Variants in SH2D1A observed in about 807,000 individuals in gnomAD.
SH2D1A encodes SH2 domain-containing protein 1A.
SH2D1A carries 6 observed loss-of-function variants against 10.1 expected under a neutral mutation model. The observed-to-expected ratio is 0.60, with a 90% CI of 0.33 to 1.18. SH2D1A has a LOEUF of 1.18. Among genes scored for constraint, SH2D1A ranks in the 50% most tolerant of loss-of-function variants. The probability of loss-of-function intolerance (pLI) is 0.04; values close to 1 mark genes in which losing one functional copy is unlikely to be tolerated. For missense variants in SH2D1A, 51 were observed against 97.6 expected (o/e 0.52, Z 2.01); for synonymous variants, 42 against 36.9 (o/e 1.14, Z -0.51).
At chrX:124,346,914 C>T in intron 1 of SH2D1A, 135 bp downstream of exon 1, 1 of 704,228 alleles carries the variant, frequency 1.4e-6, no homozygotes, top group Non-Finnish European at 2.2e-6. Context: ...CGTGGCCCAC[C>T]CTCAAGTCCA....
chrX:124,363,890 C>CAAAAAA (rs1211666787), intron 1 of SH2D1A, among the ~76,000 whole-genome samples: 14 of 33,268 alleles, frequency 4.2e-4, no homozygotes, highest in African/African-American at 9.1e-4. Flanking sequence ...GACTCTATCT[C>CAAAAAA]AAAAAAAAAA....
chrX:124,356,535 C>A (rs1233630936), intron 1 of SH2D1A, among the ~76,000 whole-genome samples: 1 of 112,621 alleles, frequency 8.9e-6, no homozygotes, highest in African/African-American at 3.2e-5. Flanking sequence ...GCAACCCCTG[C>A]CTTCCAGGCT....
chrX:124,367,636 G>A (rs767108524), intron 2 of SH2D1A: 16 of 112,126 alleles, frequency 1.4e-4, no homozygotes, highest in African/African-American at 4.9e-4. Context: ...GCCACCATCT[G>A]TGCATATATT....
rs1321839735 is a variant in SH2D1A, at chrX:124,371,203, C to G, written c.347-148C>G. On this transcript the variant is annotated intron_variant, in intron 3 of 3. Transcript: ENST00000371139. Reference sequence around the variant, plus strand: ...GCCTAATATTCCATTCTTTATAACTCAGTTTTAAATAATAGTTGCTTGAGG... The same window carrying G: ...GCCTAATATTCCATTCTTTATAACTGAGTTTTAAATAATAGTTGCTTGAGG... The G allele has an allele frequency of 9.8e-6, 4 of 408,068 alleles. No homozygotes were observed. In the Admixed American group the frequency reaches 1.3e-4, roughly 13 times the overall value. 33.6% of individuals were successfully genotyped at this position (408,068 alleles called of 1,213,427 possible).
At chrX:124,368,214 G>C (rs1202801355) in intron 2 of SH2D1A, among the ~76,000 whole-genome samples, 1 of 111,216 alleles carries the variant, frequency 9.0e-6, no homozygotes, top group Non-Finnish European at 1.9e-5. Flanking sequence ...GGAATGGCCC[G>C]ATCTCGGCTC....
intron 2 of SH2D1A, chrX:124,367,782 A>T (rs927069932): frequency 8.9e-6 from 1 of 111,992 alleles, no homozygotes; most frequent in Non-Finnish European, 1.9e-5. Flanking sequence ...ATCTTTGCCT[A>T]GTGTATTATC....
intron 1 of SH2D1A, among the ~76,000 whole-genome samples, chrX:124,359,394 G>A (rs2060034262): frequency 8.9e-6 from 1 of 112,006 alleles, no homozygotes; most frequent in South Asian, 3.7e-4. Flanking sequence ...TTGTTGCTGA[G>A]ATTTTAAATA....
intron 1 of SH2D1A, among the ~76,000 whole-genome samples, chrX:124,352,536 T>C (rs1156435167): frequency 8.9e-6 from 1 of 112,174 alleles, no homozygotes; most frequent in Non-Finnish European, 1.9e-5. Flanking sequence ...TATTTGTCTT[T>C]CTGTGCCTGG....
At chrX:124,349,483 C>T (rs746688374) in intron 1 of SH2D1A, among the ~76,000 whole-genome samples, 96 of 111,766 alleles carry the variant, frequency 8.6e-4, no homozygotes, top group Non-Finnish European at 1.5e-3. Context: ...ATCATATACA[C>T]ATGGACAACA....
At position 124,358,725 on chromosome X, in the gene SH2D1A, A is replaced by G. The variant is rs187316365; in HGVS notation, c.138-7036A>G. On this transcript the variant is annotated intron_variant, in intron 1 of 3. Coordinates refer to ENST00000371139, the MANE Select transcript of SH2D1A (RefSeq NM_002351.5). ...CCAGGTTGACAACAGGGAAGTTGCC[A>G]TCAATATTCCCAATGAGATGTGGGC... 2.7e-5 allele frequency among the ~76,000 whole-genome samples: 3 copies of G among 112,251 alleles called. No homozygotes were observed. The East Asian group carries it at 8.4e-4, about 31-fold the overall frequency.
chrX:124,368,262 T>C (rs1234564750), intron 2 of SH2D1A, among the ~76,000 whole-genome samples: 1 of 111,091 alleles, frequency 9.0e-6, no homozygotes, highest in East Asian at 2.8e-4. Flanking sequence ...GTGAGTCCTG[T>C]GCCTCAGCTT....
At chrX:124,365,408 TA>T (rs984497045) in intron 1 of SH2D1A, among the ~76,000 whole-genome samples, 1 of 110,685 alleles carries the variant, frequency 9.0e-6, no homozygotes, top group African/African-American at 3.3e-5. Context: ...TACTTAAAAA[TA>T]AGTCTATTGT....
At chrX:124,365,885 G>C (rs1172254867) in intron 2 of SH2D1A, 61 bp downstream of exon 2, 9 of 728,045 alleles carry the variant, frequency 1.2e-5, no homozygotes, top group African/African-American at 2.1e-5. Context: ...ATTTAGGCTG[G>C]TTTTATAAAA....
At chrX:124,357,640 C>A (rs2060029539) in intron 1 of SH2D1A, among the ~76,000 whole-genome samples, 1 of 111,552 alleles carries the variant, frequency 9.0e-6, no homozygotes, top group Admixed American at 9.5e-5. Context: ...CTCTCTGCAT[C>A]CTCTCTTGTT....
intron 2 of SH2D1A, among the ~76,000 whole-genome samples, chrX:124,368,436 C>T (rs909498618): frequency 1.7e-4 from 19 of 111,976 alleles, no homozygotes; most frequent in Admixed American, 4.7e-4. Context: ...CCACTGTGCC[C>T]GGCTATGCTT....
At position 124,354,755 on chromosome X, in the gene SH2D1A, T is replaced by C. The variant is rs187508329; in HGVS notation, c.137+7976T>C. On this transcript the variant is annotated intron_variant, in intron 1 of 3. Coordinates refer to ENST00000371139, the MANE Select transcript of SH2D1A (RefSeq NM_002351.5). ...ATATGAATAAAAGCTCTATAAATAA[T>C]TGTAATACAAAGTTAGAACATCATA... Among the ~76,000 whole-genome samples the C allele has an allele frequency of 6.7e-3, 750 of 112,421 alleles. 8 individuals carry two copies. The highest frequency in any genetic ancestry group is 0.021 in the African/African-American group (635 of 30,951).
At chrX:124,351,232 TAAG>T in intron 1 of SH2D1A, among the ~76,000 whole-genome samples, 1 of 106,572 alleles carries the variant, frequency 9.4e-6, no homozygotes, top group Admixed American at 1.1e-4. Context: ...GAGACAACTT[TAAG>T]ATGTTATTTT....
chrX:124,358,769 T>A (rs2147527054), intron 1 of SH2D1A, among the ~76,000 whole-genome samples: 1 of 111,819 alleles, frequency 8.9e-6, no homozygotes, highest in Non-Finnish European at 1.9e-5. Context: ...TACATTTTAA[T>A]CAGTCCTTCT....
At chrX:124,358,300 G>A (rs767115222) in intron 1 of SH2D1A, among the ~76,000 whole-genome samples, 3 of 111,373 alleles carry the variant, frequency 2.7e-5, no homozygotes, top group African/African-American at 9.8e-5. Flanking sequence ...GTCAAATTGC[G>A]TTTTCCTCTT....
Sources: allele counts gnomAD v4.1 joint callset (sites outside exome capture counted in the v4.1 genomes callset), GRCh38; gene constraint gnomAD v4.1.1; transcripts MANE v1.5; gene names NCBI Gene and HGNC (gene_info 2026-07-23, HGNC 2026-07-21).